The following TRPC5 variants were observed in gnomAD, a reference collection of about 807,000 sequenced individuals.
TRPC5 encodes transient receptor potential cation channel subfamily C member 5.
In TRPC5, 9 loss-of-function variants were observed where a neutral mutation model predicts 56.5. The ratio of observed to expected loss-of-function variants is 0.16; its 90% CI spans 0.10 to 0.28. The LOEUF is 0.28. Ranked by LOEUF, TRPC5 falls within the 10% of genes least tolerant of loss-of-function variation. The probability of loss-of-function intolerance (pLI) is 1.00; values close to 1 mark genes in which losing one functional copy is unlikely to be tolerated. For missense variants in TRPC5, 469 were observed against 748.9 expected (o/e 0.63, Z 4.36); for synonymous variants, 282 against 278.5 (o/e 1.01, Z -0.13).
chrX:111,806,238 A>G (rs889667337), intron 7 of TRPC5, among the ~76,000 whole-genome samples: 2 of 112,039 alleles, frequency 1.8e-5, no homozygotes, highest in Middle Eastern at 9.2e-3. Context: ...TAAAACCACA[A>G]ACATTTATTA....
chrX:112,019,453 T>TGGG (rs1569529660), intron 1 of TRPC5, among the ~76,000 whole-genome samples: 38 of 110,443 alleles, frequency 3.4e-4, no homozygotes, highest in African/African-American at 1.2e-3. Flanking sequence ...TTTTTTTTTT[T>TGGG]GGGATGGAAT....
At chrX:111,951,693 T>C (rs1342841259) in intron 2 of TRPC5, among the ~76,000 whole-genome samples, 2 of 111,724 alleles carry the variant, frequency 1.8e-5, no homozygotes, top group African/African-American at 6.5e-5. Context: ...TCTCTCCTTT[T>C]CTAGAATATA....
chrX:111,909,320 C>T (rs1925737285), intron 3 of TRPC5, among the ~76,000 whole-genome samples: 1 of 106,085 alleles, frequency 9.4e-6, no homozygotes, highest in African/African-American at 3.4e-5. Context: ...ACAGAGAGAG[C>T]CTCCGTCTCA....
At chrX:111,885,374 A>G (rs1197535696) in intron 3 of TRPC5, among the ~76,000 whole-genome samples, 2 of 111,562 alleles carry the variant, frequency 1.8e-5, no homozygotes, top group Non-Finnish European at 3.8e-5. Flanking sequence ...TAGTCATCCC[A>G]GTTAAGGTCT....
chrX:111,816,007 C>A (rs2148567791), intron 7 of TRPC5, among the ~76,000 whole-genome samples: 1 of 111,408 alleles, frequency 9.0e-6, no homozygotes, highest in Non-Finnish European at 1.9e-5. Flanking sequence ...TCTTCCCAGC[C>A]TTTCCTAATG....
rs1945864943 is a variant in TRPC5, at chrX:111,774,749, C to T, written c.*1564G>A. ...GCATATTTGCAGTTCGAAAGTTCCT[C>T]ATTTCTCTTACTTTTATCAGAAATT... On this transcript the variant is annotated 3_prime_UTR_variant, in exon 11 of 11. Coordinates refer to ENST00000262839, the MANE Select transcript of TRPC5 (RefSeq NM_012471.3). 9.0e-6 allele frequency: 1 copy of T among 111,199 alleles called. No homozygotes were observed. The highest frequency in any genetic ancestry group is 3.9e-4 in the South Asian group (1 of 2,583). 9.2% of individuals were successfully genotyped at this position (111,199 alleles called of 1,213,427 possible). A position where few individuals can be genotyped will look rare whatever the true frequency, so the allele number is the denominator to read the frequency against.
intron 2 of TRPC5, among the ~76,000 whole-genome samples, chrX:111,914,148 C>G (rs1375059348): frequency 9.0e-6 from 1 of 110,523 alleles, no homozygotes; most frequent in Non-Finnish European, 1.9e-5. Flanking sequence ...GTATTCAAAA[C>G]ATGTCTAGGA....
chrX:111,896,875 A>C (rs1009513735), intron 3 of TRPC5, among the ~76,000 whole-genome samples: 2 of 111,823 alleles, frequency 1.8e-5, no homozygotes, highest in African/African-American at 6.5e-5. Context: ...TTTTCCACCT[A>C]TAACTTCATA....
At chrX:111,816,081 G>T (rs750964701) in intron 7 of TRPC5, among the ~76,000 whole-genome samples, 21 of 111,466 alleles carry the variant, frequency 1.9e-4, no homozygotes, top group Non-Finnish European at 4.0e-4. Flanking sequence ...AGGGAGCAGA[G>T]ATAGAAATGA....
At chrX:111,909,656 A>T (rs1925753429) in intron 3 of TRPC5, among the ~76,000 whole-genome samples, 1 of 111,795 alleles carries the variant, frequency 8.9e-6, no homozygotes, top group African/African-American at 3.2e-5. Flanking sequence ...CAAGAGAACA[A>T]GAAGAAATAA....
At chrX:111,896,349 C>A (rs969953538) in intron 3 of TRPC5, 1 of 105,918 alleles carries the variant, frequency 9.4e-6, no homozygotes, top group Non-Finnish European at 1.9e-5. Context: ...CTATCGATTT[C>A]GCAATTTATC....
At chrX:111,824,727 G>C (rs1377070002) in intron 7 of TRPC5, among the ~76,000 whole-genome samples, 1 of 111,500 alleles carries the variant, frequency 9.0e-6, no homozygotes, top group Non-Finnish European at 1.9e-5. Context: ...TCTGCACTTT[G>C]TCATGCAGTT....
chrX:111,869,483 A>G (rs1366182549), intron 3 of TRPC5, among the ~76,000 whole-genome samples: 1 of 112,286 alleles, frequency 8.9e-6, no homozygotes, highest in Non-Finnish European at 1.9e-5. Context: ...AGTCAACTGG[A>G]AGCCCTATCT....
In TRPC5 at chrX:111,776,864, G is replaced by T. The variant is rs138566611; in HGVS notation, c.2371C>A (p.Arg791=). Residue 791 remains arginine, a synonymous_variant, in exon 11 of 11, where the codon CGG becomes AGG. Coordinates refer to ENST00000262839, the MANE Select transcript of TRPC5 (RefSeq NM_012471.3). ...AAAGAGACACTCTTGGATTTGGCCC[G>T]AGCCCCACCACTGCCATCATTATTA... The part of the protein sequence containing the change: ...DDNNDGSGGA[R]AKSKSVSFNL... The T allele has an allele frequency of 2.1e-4, 248 of 1,209,741 alleles. No homozygotes were observed. Among genetic ancestry groups the T allele is most frequent in the Non-Finnish European group, 2.7e-4 (243 of 895,191 alleles).
chrX:111,826,155 G>T (rs1922230145), intron 7 of TRPC5, among the ~76,000 whole-genome samples: 1 of 112,069 alleles, frequency 8.9e-6, no homozygotes, highest in Admixed American at 9.4e-5. Flanking sequence ...GACTACTCTT[G>T]AGCCAATGCT....
chrX:111,844,463 T>TC (rs1205352015), intron 6 of TRPC5, among the ~76,000 whole-genome samples: 3 of 105,389 alleles, frequency 2.8e-5, no homozygotes, highest in African/African-American at 6.9e-5. Flanking sequence ...TTTCTTTCTT[T>TC]TTTTTTTTTT....
At chrX:111,847,993 GGGAGCCATTCACT>G (rs1922981311) in intron 5 of TRPC5, among the ~76,000 whole-genome samples, 1 of 111,539 alleles carries the variant, frequency 9.0e-6, no homozygotes, top group African/African-American at 3.3e-5. Context: ...AGGATCCTTA[GGGAGCCATTCACT>G]GGAGCTTTCT....
rs1928501335 is a variant in TRPC5, at chrX:111,995,545, G to A, written c.-21-43104C>T. Among the ~76,000 whole-genome samples, 4 of 111,396 alleles carry A rather than the reference G, an allele frequency of 3.6e-5. No individual in the cohort carries two copies. In the South Asian group the frequency reaches 1.5e-3, roughly 42 times the overall value. ...AATAGTTTCAGAAGGAATGGTACCA[G>A]CTCCTCTTTGTACCTCTGGTAGAAT... On this transcript the variant is annotated intron_variant, in intron 1 of 10. Coordinates refer to ENST00000262839, the MANE Select transcript of TRPC5 (RefSeq NM_012471.3).
At chrX:111,964,679 TAAAGA>T (rs1231072785) in intron 1 of TRPC5, among the ~76,000 whole-genome samples, 1 of 111,881 alleles carries the variant, frequency 8.9e-6, no homozygotes, top group Non-Finnish European at 1.9e-5. Context: ...TCAACACCCT[TAAAGA>T]AAAGAATTTT....
Sources: allele counts gnomAD v4.1 joint callset (sites outside exome capture counted in the v4.1 genomes callset), GRCh38; gene constraint gnomAD v4.1.1; transcripts MANE v1.5; gene names NCBI Gene and HGNC (gene_info 2026-07-23, HGNC 2026-07-21).